Variants in CCAR1 observed in about 807,000 individuals in gnomAD.
CCAR1 encodes cell division cycle and apoptosis regulator 1, also known as cell division cycle and apoptosis regulator protein 1.
CCAR1 carries 78 observed loss-of-function variants against 163.8 expected under a neutral mutation model. The ratio of observed to expected loss-of-function variants is 0.48; its 90% CI spans 0.40 to 0.57. The LOEUF (loss-of-function observed/expected upper bound fraction) is 0.57. Ranked by LOEUF, CCAR1 falls within the 20% of genes least tolerant of loss-of-function variation. The pLI, the probability that CCAR1 is intolerant of heterozygous loss-of-function variation, is 0.00. For missense variants in CCAR1, 1,019 were observed against 1,365.2 expected, an observed-to-expected ratio of 0.75 and a Z score of 4.00; for synonymous variants, 443 against 460.7, an observed-to-expected ratio of 0.96 and a Z score of 0.49.
intron 15 of CCAR1, among the ~76,000 whole-genome samples, chr10:68,757,718 T>C (rs2056413320): frequency 6.7e-6 from 1 of 149,536 alleles, no homozygotes; most frequent in Non-Finnish European, 1.5e-5. Context: ...GCCTGGCCAA[T>C]TGTATTTATA....
intron 2 of CCAR1, among the ~76,000 whole-genome samples, chr10:68,734,815 C>T (rs1019604815): frequency 7.2e-5 from 11 of 152,056 alleles, no homozygotes; most frequent in Admixed American, 2.0e-4. Context: ...CAGTGCTAGA[C>T]CATAATTTTT....
rs181196627 is a variant in CCAR1, at chr10:68,753,669, G to A, written c.1119-183G>A. On this transcript the variant is annotated intron_variant, in intron 10 of 24. Transcript: ENST00000265872. ...GAATACTATTTATTCAAAGCTTTGC[G>A]TATATAAATTTGAACGTAATATTTT... Among the ~76,000 whole-genome samples the A allele has an allele frequency of 5.2e-4, 79 of 152,192 alleles. 1 individual carries two copies. In the East Asian group the frequency reaches 0.014, roughly 26 times the overall value.
chr10:68,729,515 C>G (rs1188557562), intron 2 of CCAR1, among the ~76,000 whole-genome samples: 1 of 151,646 alleles, frequency 6.6e-6, no homozygotes, highest in Non-Finnish European at 1.5e-5. Context: ...GTGATCCACC[C>G]GCCTCGGCCT....
chr10:68,779,404 A>G (rs1281661619), intron 19 of CCAR1, among the ~76,000 whole-genome samples: 2 of 151,696 alleles, frequency 1.3e-5, no homozygotes, highest in African/African-American at 2.4e-5. Flanking sequence ...GATTACAGAC[A>G]TGCACCACCA....
chr10:68,759,676 G>A (rs1426450070), intron 15 of CCAR1, among the ~76,000 whole-genome samples: 3 of 151,882 alleles, frequency 2.0e-5, no homozygotes, highest in Non-Finnish European at 2.9e-5. Flanking sequence ...GCGGTGAGCC[G>A]TGAGCTGTGA....
chr10:68,749,337 G>C (rs2056301323), intron 9 of CCAR1, 72 bp downstream of exon 9: 1 of 1,398,430 alleles, frequency 7.2e-7, no homozygotes, highest in East Asian at 2.4e-5. Context: ...TAATGCCACT[G>C]AACTATGCTT....
intron 4 of CCAR1, among the ~76,000 whole-genome samples, chr10:68,739,778 A>C (rs979741837): frequency 1.3e-5 from 2 of 152,152 alleles, no homozygotes; most frequent in East Asian, 1.9e-4. Context: ...GCACTACTCA[A>C]CTGTTCTTAA....
intron 15 of CCAR1, among the ~76,000 whole-genome samples, chr10:68,760,094 G>A (rs1468964809): frequency 2.0e-5 from 3 of 152,112 alleles, no homozygotes; most frequent in Non-Finnish European, 4.4e-5. Context: ...GGACTCCAAA[G>A]GTGCTAGGAT....
At chr10:68,759,975 A>C (rs2056448083) in intron 15 of CCAR1, among the ~76,000 whole-genome samples, 1 of 152,006 alleles carries the variant, frequency 6.6e-6, no homozygotes, top group Admixed American at 6.6e-5. Context: ...GCTTGGGCTA[A>C]AGACATGTTC....
intron 19 of CCAR1, among the ~76,000 whole-genome samples, chr10:68,775,685 T>G (rs2056657014): frequency 8.5e-6 from 1 of 116,964 alleles, no homozygotes; most frequent in South Asian, 2.7e-4. Flanking sequence ...AATTTTTCTT[T>G]TCTTTTTTTT....
chr10:68,763,370 C>T (rs1229937046), intron 16 of CCAR1, among the ~76,000 whole-genome samples: 1 of 151,854 alleles, frequency 6.6e-6, no homozygotes, highest in Non-Finnish European at 1.5e-5. Context: ...AGGATGGTCT[C>T]AATCTCTTGA....
intron 5 of CCAR1, 133 bp downstream of exon 5, chr10:68,740,794 A>G: frequency 1.6e-6 from 1 of 634,222 alleles, no homozygotes; most frequent in Non-Finnish European, 2.7e-6. Context: ...ATATAATGCT[A>G]AATAAAGGTA....
chr10:68,790,821 C>T (rs748651444), intron 24 of CCAR1, among the ~76,000 whole-genome samples: 1 of 146,672 alleles, frequency 6.8e-6, no homozygotes, highest in Non-Finnish European at 1.5e-5. Flanking sequence ...ACAGTAAAAC[C>T]CCGTCTCTAC....
chr10:68,723,179 TGAC>T (rs2055885077), intron 2 of CCAR1, among the ~76,000 whole-genome samples: 2 of 151,622 alleles, frequency 1.3e-5, no homozygotes, highest in East Asian at 4.0e-4. Flanking sequence ...TGGAGTGCAG[TGAC>T]GCAATCTCAG....
rs772770201 is a variant in CCAR1 at position 68,749,616 on chromosome 10, G to A, written c.1049G>A (p.Arg350Gln). ...AGATCTCCACGAAGAGAGCGAGAGC[G>A]ATCACCTCGGAGAGTTCGACGTGTT... ...RERSPRRERE[R>Q]SPRRVRRVVP... Residue 350 changes from arginine to glutamine, a missense_variant, in exon 10 of 25, where the codon CGA becomes CAA. This residue lies in a region of CCAR1 where 644 missense variants were observed against 904.4 expected (regional missense o/e 0.71). Transcript: ENST00000265872. 6.8e-6 allele frequency: 11 copies of A among 1,613,846 alleles called. No homozygotes were observed. The Admixed American group carries it at 8.3e-5, about 12-fold the overall frequency.
intron 15 of CCAR1, 102 bp from the exon 16 acceptor site, chr10:68,760,905 T>A: frequency 4.4e-6 from 2 of 450,094 alleles, no homozygotes; most frequent in Non-Finnish European, 8.1e-6. Flanking sequence ...ACACAAAATA[T>A]AATTGTTAAT....
At chr10:68,767,227 G>T (rs1216585288) in intron 17 of CCAR1, among the ~76,000 whole-genome samples, 2 of 151,988 alleles carry the variant, frequency 1.3e-5, no homozygotes, top group Admixed American at 1.3e-4. Context: ...GAAAATAATT[G>T]TTTAACTTTT....
chr10:68,749,145 T>C lies in CCAR1; in HGVS notation c.836T>C (p.Leu279Ser). 6.2e-7 allele frequency: 1 copy of C among 1,614,124 alleles called. No homozygotes were observed. Among genetic ancestry groups the C allele is most frequent in the Non-Finnish European group, 8.5e-7 (1 of 1,180,006 alleles). The part of the protein sequence containing the change: ...LQQPQQKAGL[L>S]QPPVRIVSQP... ...CTTTTATCTTTTAAAGCTGGTTTAT[T>C]GCAGCCTCCTGTTCGTATAGTTTCA... The change falls in exon 9 of 25, where the codon TTG becomes TCG. Residue 279 changes from leucine to serine, a missense_variant. Physicochemically the swap from Leu to Ser is moderately radical, Grantham distance 145. This residue lies in a region of CCAR1 where 644 missense variants were observed against 904.4 expected (regional missense o/e 0.71). Transcript: ENST00000265872.
rs762500931 is a variant in CCAR1 at position 68,737,834 on chromosome 10, T to C, written c.247-11T>C. Reference sequence around the variant, plus strand: ...TATTTTTCTTTGAAAAATTTTTTTTTAATCTTTCAGCAATATTCACAACCT... The same window carrying C: ...TATTTTTCTTTGAAAAATTTTTTTTCAATCTTTCAGCAATATTCACAACCT... On this transcript the variant is annotated splice_polypyrimidine_tract_variant and intron_variant, in intron 3 of 24. Coordinates refer to ENST00000265872, the MANE Select transcript of CCAR1 (RefSeq NM_018237.4). The C allele has an allele frequency of 6.4e-7, 1 of 1,572,034 alleles. No homozygotes were observed. The highest frequency in any genetic ancestry group is 8.6e-7 in the Non-Finnish European group (1 of 1,158,214).
Sources: gnomAD v4.1 joint callset for allele counts (sites outside exome capture counted in the v4.1 genomes callset) on GRCh38, gnomAD v4.1.1 for gene constraint, gnomAD v4.1.1 regional missense constraint, MANE v1.5 for transcripts, NCBI Gene and HGNC (gene_info 2026-07-23, HGNC 2026-07-21) for gene names.